SEC31B: variants seen among roughly 807,000 people sequenced by gnomAD.
SEC31B encodes SEC31 homolog B, COPII component.
Under a neutral mutation model 135.0 loss-of-function variants are expected in SEC31B, and 113 were observed. The ratio of observed to expected loss-of-function variants is 0.84; its 90% CI spans 0.72 to 0.98. The LOEUF is 0.98. Ranked by LOEUF, SEC31B falls within the 50% of genes least tolerant of loss-of-function variation. The probability of loss-of-function intolerance (pLI) is 0.00; values close to 1 mark genes in which losing one functional copy is unlikely to be tolerated. For missense variants in SEC31B, 1,296 were observed against 1,421.1 expected (o/e 0.91, Z 1.42); for synonymous variants, 508 against 549.4 (o/e 0.92, Z 1.05).
intron 25 of SEC31B, 97 bp from the exon 26 acceptor site, chr10:100,487,892 T>C: frequency 6.5e-7 from 1 of 1,536,322 alleles, no homozygotes; most frequent in Non-Finnish European, 8.9e-7. Flanking sequence ...TGGGGCCCAG[T>C]CCAGGCAAGA....
Position 100,498,837 on chromosome 10 carries a change from G to C in SEC31B, c.1585-33C>G, listed in dbSNP as rs1448143905. 5.3e-6 allele frequency: 8 copies of C among 1,508,980 alleles called. No homozygotes were observed. The East Asian group carries it at 1.6e-4, about 30-fold the overall frequency. 93.5% of individuals were successfully genotyped at this position (1,508,980 alleles called of 1,614,324 possible). A position where few individuals can be genotyped will look rare whatever the true frequency, so the allele number is the denominator to read the frequency against. ...AGGAAGGACAGAGGTGACTACTTAG[G>C]GATGAACCCAAGACAGACAGAGAGC... On this transcript the variant is annotated intron_variant, in intron 13 of 25. Transcript: ENST00000370345.
At chr10:100,512,917 CTCT>C (rs1276772198) in intron 3 of SEC31B, among the ~76,000 whole-genome samples, 1 of 152,160 alleles carries the variant, frequency 6.6e-6, no homozygotes, top group Non-Finnish European at 1.5e-5. Flanking sequence ...AGTCACACAG[CTCT>C]ATTAGTATTA....
chr10:100,496,569 G>T, intron 17 of SEC31B, 138 bp from the exon 18 acceptor site: 1 of 847,940 alleles, frequency 1.2e-6, no homozygotes, highest in Non-Finnish European at 1.8e-6. Context: ...GGCAGCAGAT[G>T]ATGACACGTA....
chr10:100,489,223 A>G, intron 23 of SEC31B, 29 bp downstream of exon 23: 1 of 1,578,468 alleles, frequency 6.3e-7, no homozygotes, highest in Non-Finnish European at 8.6e-7. Context: ...AAGGTTTCCC[A>G]AGGGAGGGGA....
rs775962651 is a variant in SEC31B at position 100,498,778 on chromosome 10, G to A, written c.1611C>T (p.Ala537=). The change falls in exon 14 of 26, where the codon GCC becomes GCT. Residue 537 remains alanine (A), a synonymous_variant. Coordinates refer to ENST00000370345, the MANE Select transcript of SEC31B (RefSeq NM_015490.4). ...CATCAAAGAAGGCTGAGGAAGCAGA[G>A]GCTTCCTTTGTGGTGTGTTTGGAGG... ...SQASKHTTKE[A]SASSAFFDEL... 1.2e-6 allele frequency: 2 copies of A among 1,613,708 alleles called. No individual in the cohort carries two copies. Among genetic ancestry groups the A allele is most frequent in the African/African-American group, 1.3e-5 (1 of 75,034 alleles).
intron 3 of SEC31B, among the ~76,000 whole-genome samples, chr10:100,515,186 G>A (rs1851806975): frequency 6.6e-6 from 1 of 152,100 alleles, no homozygotes; most frequent in South Asian, 2.1e-4. Flanking sequence ...CAGCTACTCA[G>A]GGGGCTGAGG....
At chr10:100,507,389 T>TC in intron 7 of SEC31B, 36 bp downstream of exon 7, 1 of 1,613,418 alleles carries the variant, frequency 6.2e-7, no homozygotes, top group South Asian at 1.1e-5. Context: ...ATATCCACCA[T>TC]CCCCCCAAGG....
chr10:100,488,673 TG>T, intron 24 of SEC31B, among the ~76,000 whole-genome samples, 184 bp downstream of exon 24: 1 of 152,158 alleles, frequency 6.6e-6, no homozygotes, highest in Non-Finnish European at 1.5e-5. Flanking sequence ...ACCAAGGAGC[TG>T]GACTTCAGAC....
Position 100,489,370 on chromosome 10 carries a change from G to A in SEC31B, c.3053C>T (p.Pro1018Leu), listed in dbSNP as rs772598587. Residue 1018 changes from proline to leucine, a missense_variant, in exon 23 of 26, where the codon CCA becomes CTA. Physicochemically the swap from Pro to Leu is moderately conservative, Grantham distance 98. Coordinates refer to ENST00000370345, the MANE Select transcript of SEC31B (RefSeq NM_015490.4). The part of the protein sequence containing the change: ...KLPETFMPPA[P>L]ITAPVMSLTP... ...GAGGCTCATAACTGGAGCAGTAATT[G>A]GTGCTGGGGGCATAAATGTCTCTGG... is the stretch of plus-strand genomic sequence containing the variant. The A allele has an allele frequency of 1.7e-5, 28 of 1,613,878 alleles. No individual in the cohort carries two copies. Among genetic ancestry groups the A allele is most frequent in the Non-Finnish European group, 2.2e-5 (26 of 1,179,980 alleles).
At chr10:100,505,995 G>C (rs370893517) in intron 9 of SEC31B, 45 bp downstream of exon 9, 83 of 1,610,194 alleles carry the variant, frequency 5.2e-5, no homozygotes, top group Non-Finnish European at 6.7e-5. Flanking sequence ...CCCACAAACA[G>C]AGACAGCCCC....
chr10:100,491,003 A>G, intron 19 of SEC31B, 120 bp from the exon 20 acceptor site: 1 of 589,036 alleles, frequency 1.7e-6, no homozygotes, highest in Non-Finnish European at 2.6e-6. Context: ...AAAAAAATCA[A>G]TAAAATTGAT....
chr10:100,487,759 C>T lies in SEC31B; in HGVS notation c.3397G>A (p.Ala1133Thr). 1 of 1,614,040 alleles carries T rather than the reference C, an allele frequency of 6.2e-7. No homozygotes were observed. Among genetic ancestry groups the T allele is most frequent in the Non-Finnish European group, 8.5e-7 (1 of 1,179,974 alleles). The change falls in exon 26 of 26, where the codon GCC becomes ACC. Residue 1133 changes from alanine to threonine, a missense_variant. Physicochemically the swap from Ala to Thr is moderately conservative, Grantham distance 58. Coordinates refer to ENST00000370345, the MANE Select transcript of SEC31B (RefSeq NM_015490.4). Reference sequence around the variant, plus strand: ...AAGCTTCCTGCATCCACACATCGGGCAACCTCATGGAGCCCAGCCACGACA... The same window carrying T: ...AAGCTTCCTGCATCCACACATCGGGTAACCTCATGGAGCCCAGCCACGACA... ...PHVVAGLHEV[A>T]RCVDAGSFEQ...
At chr10:100,503,045 T>C (rs1465747433) in intron 10 of SEC31B, among the ~76,000 whole-genome samples, 1 of 152,172 alleles carries the variant, frequency 6.6e-6, no homozygotes, top group Non-Finnish European at 1.5e-5. Flanking sequence ...CTCCCCTTCC[T>C]GCAGTGCACA....
At position 100,498,728 on chromosome 10, in the gene SEC31B, G is replaced by A. The variant is rs758403999; in HGVS notation, c.1661C>T (p.Pro554Leu). The A allele has an allele frequency of 4.3e-6, 7 of 1,613,568 alleles. No individual in the cohort carries two copies. In the South Asian group the frequency reaches 7.7e-5, roughly 18 times the overall value. ...FDELVPQNMT[P>L]WEIPITKDID... ...ACCTTTTGTGATGGGGATCTCCCAA[G>A]GAGTCATGTTCTGAGGGACCAGCTC... Residue 554 changes from proline (P) to leucine (L), a missense_variant, in exon 14 of 26, where the codon CCT becomes CTT. Transcript: ENST00000370345.
rs534105712 is a variant in SEC31B at position 100,488,118 on chromosome 10, T to C, written c.3289-20A>G. 1 of 1,610,726 alleles carries C rather than the reference T, an allele frequency of 6.2e-7. No homozygotes were observed. The highest frequency in any genetic ancestry group is 8.5e-7 in the Non-Finnish European group (1 of 1,177,040). ...TGTCTTCTGCAGGGAAAGAAATGGA[T>C]TCCAACCCCAGCCCCTAAGTCTAAC... is the stretch of plus-strand genomic sequence containing the variant. On this transcript the variant is annotated intron_variant, in intron 24 of 25. Coordinates refer to ENST00000370345, the MANE Select transcript of SEC31B (RefSeq NM_015490.4).
At position 100,502,239 on chromosome 10, in the gene SEC31B, C is replaced by T; in HGVS notation, c.1410+15G>A. On this transcript the variant is annotated intron_variant, in intron 11 of 25. Coordinates refer to ENST00000370345, the MANE Select transcript of SEC31B (RefSeq NM_015490.4). ...GGGGAGACACTTCTGAGCAGCTAGC[C>T]TTCAGGCTTCCCACCTTCAGGAACT... 1 of 1,607,224 alleles carries T rather than the reference C, an allele frequency of 6.2e-7. No individual in the cohort carries two copies. The highest frequency in any genetic ancestry group is 8.5e-7 in the Non-Finnish European group (1 of 1,174,842).
intron 3 of SEC31B, among the ~76,000 whole-genome samples, chr10:100,511,850 G>A (rs1415019766): frequency 6.6e-6 from 1 of 152,206 alleles, no homozygotes; most frequent in Non-Finnish European, 1.5e-5. Flanking sequence ...AATGAATGGA[G>A]CATTGGTTGT....
At chr10:100,488,128 A>G in intron 24 of SEC31B, 30 bp from the exon 25 acceptor site, 1 of 1,598,460 alleles carries the variant, frequency 6.3e-7, no homozygotes, top group Non-Finnish European at 8.6e-7. Flanking sequence ...TTCCAACCCC[A>G]GCCCCTAAGT....
At position 100,496,403 on chromosome 10, in the gene SEC31B, T is replaced by C; in HGVS notation, c.2165A>G (p.Asn722Ser). The C allele has an allele frequency of 6.2e-7, 1 of 1,614,086 alleles. No homozygotes were observed. The highest frequency in any genetic ancestry group is 8.5e-7 in the Non-Finnish European group (1 of 1,179,996). ...ACCCCGCAGTTGCTCCAAGCTCCTG[T>C]TAAGAACCATCACCTTCTCCATCAG... ...QDLMEKVMVL[N>S]RSLEQLRGPH... Residue 722 changes from asparagine (N) to serine (S), a missense_variant, in exon 18 of 26, where the codon AAC becomes AGC. Asn to Ser is a conservative substitution (Grantham distance 46). Transcript: ENST00000370345.
Sources: gnomAD v4.1 joint callset for allele counts (sites outside exome capture counted in the v4.1 genomes callset) on GRCh38, gnomAD v4.1.1 for gene constraint, MANE v1.5 for transcripts, NCBI Gene and HGNC (gene_info 2026-07-23, HGNC 2026-07-21) for gene names.